The following ASIC2 variants were observed in gnomAD, a reference collection of about 807,000 sequenced individuals.
The protein encoded by ASIC2 is acid sensing ion channel subunit 2, also known as acid-sensing ion channel 2.
A neutral mutation model predicts 57.3 loss-of-function variants in ASIC2; 25 were observed. The observed-to-expected ratio is 0.44, with a 90% CI of 0.32 to 0.61. The LOEUF is 0.61. ASIC2 is among the 20% of genes least tolerant of loss of function. The pLI is 0.06. For synonymous variants in ASIC2, 319 were observed against 307.5 expected, an observed-to-expected ratio of 1.04 and a Z score of -0.39; for missense variants, 641 against 738.1, an observed-to-expected ratio of 0.87 and a Z score of 1.52.
At chr17:33,719,554 A>ACATACTT in intron 1 of ASIC2, among the ~76,000 whole-genome samples, 1 of 152,238 alleles carries the variant, frequency 6.6e-6, no homozygotes, top group African/African-American at 2.4e-5. Context: ...GCCATCTGCT[A>ACATACTT]GAAACATTGT....
intron 1 of ASIC2, among the ~76,000 whole-genome samples, chr17:34,109,512 C>T (rs1031602674): frequency 2.0e-5 from 3 of 152,104 alleles, no homozygotes; most frequent in Admixed American, 6.5e-5. Context: ...TAAGCATTCA[C>T]TGATATGGGT....
At chr17:33,195,718 C>G (rs557107241) in intron 1 of ASIC2, among the ~76,000 whole-genome samples, 1 of 152,140 alleles carries the variant, frequency 6.6e-6, no homozygotes, top group Non-Finnish European at 1.5e-5. Flanking sequence ...AACTGAGGAT[C>G]AGAAGGCCAA....
At chr17:33,587,806 C>T (rs1016791323) in intron 1 of ASIC2, among the ~76,000 whole-genome samples, 5 of 152,156 alleles carry the variant, frequency 3.3e-5, no homozygotes, top group Admixed American at 6.5e-5. Context: ...TGGATGGGCA[C>T]ATTATTACTC....
At chr17:33,382,433 C>T (rs370945195) in intron 1 of ASIC2, among the ~76,000 whole-genome samples, 1 of 152,134 alleles carries the variant, frequency 6.6e-6, no homozygotes, top group African/African-American at 2.4e-5. Flanking sequence ...CTCCAGACCC[C>T]AAAATGGCCT....
intron 1 of ASIC2, among the ~76,000 whole-genome samples, chr17:33,670,103 G>A (rs768963490): frequency 3.9e-5 from 6 of 152,140 alleles, no homozygotes; most frequent in Non-Finnish European, 7.4e-5. Flanking sequence ...CTGGCACAGA[G>A]CACAGAGCCC....
At chr17:33,593,234 A>G (rs923050603) in intron 1 of ASIC2, among the ~76,000 whole-genome samples, 11 of 152,222 alleles carry the variant, frequency 7.2e-5, no homozygotes, top group African/African-American at 4.8e-5. Context: ...TGTGATGTCC[A>G]TGGAACATCT....
chr17:33,541,732 A>G (rs1051221747), intron 1 of ASIC2, among the ~76,000 whole-genome samples: 1 of 152,128 alleles, frequency 6.6e-6, no homozygotes, highest in Non-Finnish European at 1.5e-5. Context: ...CAGAGACTCT[A>G]ATGCAAGTGC....
Position 34,037,624 on chromosome 17 carries a change from A to G in ASIC2, c.555+118354T>C, listed in dbSNP as rs995923503. 1.6e-5 allele frequency: 26 copies of G among 1,597,312 alleles called. No individual in the cohort carries two copies. The African/African-American group carries it at 1.7e-4, about 11-fold the overall frequency. ...GTTTGTGGCCTTGGAGTCAGTCTCA[A>G]TTAGAAGAACTGTTATTGGACGCCC... is the stretch of plus-strand genomic sequence containing the variant. On this transcript the variant is annotated intron_variant, in intron 1 of 9. Coordinates refer to the ASIC2 transcript ENST00000359872.
At chr17:33,334,475 T>C (rs1294213556) in intron 1 of ASIC2, among the ~76,000 whole-genome samples, 1 of 152,194 alleles carries the variant, frequency 6.6e-6, no homozygotes, top group Non-Finnish European at 1.5e-5. Context: ...TAGAAAACTT[T>C]GCTGTTGAAC....
At chr17:33,424,661 C>T (rs915910205) in intron 1 of ASIC2, among the ~76,000 whole-genome samples, 2 of 152,172 alleles carry the variant, frequency 1.3e-5, no homozygotes, top group Admixed American at 6.5e-5. Flanking sequence ...AGAAAGTTCT[C>T]GGATCAACTT....
intron 1 of ASIC2, among the ~76,000 whole-genome samples, chr17:33,625,168 T>TA (rs1555548125): frequency 1.3e-5 from 2 of 151,154 alleles, no homozygotes; most frequent in African/African-American, 4.8e-5. Context: ...TCTATCTATC[T>TA]ATCTATCATC....
At chr17:33,086,230 C>G (rs1007358939) in intron 3 of ASIC2, among the ~76,000 whole-genome samples, 6 of 152,166 alleles carry the variant, frequency 3.9e-5, no homozygotes, top group African/African-American at 1.4e-4. Flanking sequence ...AAATAGCAGC[C>G]TACAGAGAAC....
chr17:33,898,945 C>T (rs1915169714), intron 1 of ASIC2, among the ~76,000 whole-genome samples: 1 of 152,158 alleles, frequency 6.6e-6, no homozygotes, highest in Admixed American at 6.5e-5. Context: ...CTCTGATTAA[C>T]TCAACTTACC....
intron 1 of ASIC2, among the ~76,000 whole-genome samples, chr17:33,651,647 C>T (rs760626590): frequency 7.2e-5 from 11 of 152,230 alleles, no homozygotes; most frequent in Non-Finnish European, 1.0e-4. Context: ...AGCCCATGCT[C>T]GCACTTCTGC....
intron 1 of ASIC2, among the ~76,000 whole-genome samples, chr17:33,409,222 A>T (rs936778314): frequency 1.3e-5 from 2 of 152,194 alleles, no homozygotes; most frequent in East Asian, 3.9e-4. Flanking sequence ...CTAAAAAATA[A>T]TTTTTTTAAA....
intron 1 of ASIC2, among the ~76,000 whole-genome samples, chr17:33,573,932 C>T (rs12451111): frequency 0.2 from 29,972 of 152,110 alleles, 3,053 homozygotes; most frequent in South Asian, 0.35. Context: ...TTTTTCTGCC[C>T]TCAACATCAA....
intron 1 of ASIC2, among the ~76,000 whole-genome samples, chr17:33,872,462 A>T (rs1206230009): frequency 1.3e-5 from 2 of 152,152 alleles, no homozygotes; most frequent in East Asian, 3.9e-4. Context: ...ATTCCTTCAG[A>T]TTCTAGTGAT....
chr17:34,082,847 A>G (rs1909943399), intron 1 of ASIC2, among the ~76,000 whole-genome samples: 1 of 152,318 alleles, frequency 6.6e-6, no homozygotes, highest in East Asian at 1.9e-4. Flanking sequence ...GCTTACAGTA[A>G]AAGACAGTTT....
chr17:34,062,249 TTAAA>T (rs1383643362), intron 1 of ASIC2, among the ~76,000 whole-genome samples: 1 of 152,070 alleles, frequency 6.6e-6, no homozygotes, highest in Non-Finnish European at 1.5e-5. Flanking sequence ...TACATGGAAA[TTAAA>T]TAACCTTCTC....
Sources: allele counts gnomAD v4.1 joint callset (sites outside exome capture counted in the v4.1 genomes callset), GRCh38; gene constraint gnomAD v4.1.1; transcripts MANE v1.5; gene names NCBI Gene and HGNC (gene_info 2026-07-23, HGNC 2026-07-21).